Variants in FGGY observed in about 807,000 individuals in gnomAD.
FGGY encodes the protein FGGY carbohydrate kinase domain-containing protein.
FGGY carries 72 observed loss-of-function variants against 71.3 expected under a neutral mutation model. The ratio of observed to expected loss-of-function variants is 1.01; its 90% CI spans 0.84 to 1.23. The LOEUF (loss-of-function observed/expected upper bound fraction) is 1.23. Among genes scored for constraint, FGGY ranks in the 50% most tolerant of loss-of-function variants. FGGY has a pLI of 0.00. For missense variants in FGGY, 668 were observed against 682.3 expected, an observed-to-expected ratio of 0.98 and a Z score of 0.23; for synonymous variants, 251 against 250.3, an observed-to-expected ratio of 1.00 and a Z score of -0.02.
At chr1:59,532,877 A>G (rs574454805) in intron 7 of FGGY, among the ~76,000 whole-genome samples, 77 of 152,336 alleles carry the variant, frequency 5.1e-4, no homozygotes, top group African/African-American at 1.8e-3. Context: ...AAAAGAATCT[A>G]TAGATAAAAT....
intron 5 of FGGY, among the ~76,000 whole-genome samples, chr1:59,383,557 C>T (rs1464414136): frequency 1.3e-5 from 2 of 152,086 alleles, no homozygotes; most frequent in African/African-American, 4.8e-5. Context: ...CTTATACAGT[C>T]CTCCCTTTTG....
intron 14 of FGGY, among the ~76,000 whole-genome samples, chr1:59,729,465 A>G (rs1296813751): frequency 6.6e-6 from 1 of 152,122 alleles, no homozygotes; most frequent in East Asian, 1.9e-4. Flanking sequence ...GTATCTGGTA[A>G]TAGGAACTGA....
chr1:59,627,297 T>C (rs1176219292), intron 10 of FGGY, among the ~76,000 whole-genome samples: 1 of 151,696 alleles, frequency 6.6e-6, no homozygotes, highest in Non-Finnish European at 1.5e-5. Context: ...CTGTTTTTCA[T>C]AGGTGTATAT....
chr1:59,614,688 AG>A (rs1408623838), intron 9 of FGGY, among the ~76,000 whole-genome samples: 1 of 152,230 alleles, frequency 6.6e-6, no homozygotes, highest in Admixed American at 6.5e-5. Context: ...GTATTCAATT[AG>A]GAAAAGAGGA....
chr1:59,703,895 C>T lies in FGGY; in HGVS notation c.1512+29762C>T, dbSNP rs149709756. ...TTTAAGGAACTTCACATCCAATGTG[C>T]GCCCATTGGACCCTATGGTTTAAAT... On this transcript the variant is annotated intron_variant, in intron 14 of 15. Transcript: ENST00000303721. 2.8e-3 allele frequency among the ~76,000 whole-genome samples: 429 copies of T among 152,296 alleles called. 2 individuals are homozygous for T. The highest frequency in any genetic ancestry group is 9.9e-3 in the African/African-American group (410 of 41,560).
intron 5 of FGGY, among the ~76,000 whole-genome samples, chr1:59,396,033 A>G (rs1473984584): frequency 6.6e-6 from 1 of 152,206 alleles, no homozygotes; most frequent in Non-Finnish European, 1.5e-5. Context: ...CAGCATGAGC[A>G]GCGTCACTTG....
At chr1:59,495,964 G>A (rs115885940) in intron 6 of FGGY, among the ~76,000 whole-genome samples, 9,642 of 152,066 alleles carry the variant, frequency 0.063, 395 homozygotes, top group East Asian at 0.12. Flanking sequence ...TTGTCTATTC[G>A]GGCTCTTTTT....
chr1:59,686,121 A>T (rs969646724), intron 14 of FGGY, among the ~76,000 whole-genome samples: 1 of 152,196 alleles, frequency 6.6e-6, no homozygotes, highest in Non-Finnish European at 1.5e-5. Context: ...CGGGTCTAGG[A>T]TAGGCTGGGT....
intron 7 of FGGY, among the ~76,000 whole-genome samples, chr1:59,532,772 T>C (rs1343050117): frequency 6.6e-6 from 1 of 151,768 alleles, no homozygotes; most frequent in Non-Finnish European, 1.5e-5. Flanking sequence ...GCCTATCTAG[T>C]GCAACAAGTC....
chr1:59,742,663 C>A (rs2098161140), intron 14 of FGGY, among the ~76,000 whole-genome samples: 1 of 152,224 alleles, frequency 6.6e-6, no homozygotes, highest in Non-Finnish European at 1.5e-5. Flanking sequence ...CCATCTCCAC[C>A]TCTGCCTGAA....
At chr1:59,452,277 T>A (rs1019298725) in intron 5 of FGGY, among the ~76,000 whole-genome samples, 5 of 152,114 alleles carry the variant, frequency 3.3e-5, no homozygotes, top group South Asian at 4.1e-4. Flanking sequence ...GCAAAGACAG[T>A]TACTATGGTA....
intron 7 of FGGY, among the ~76,000 whole-genome samples, chr1:59,535,957 G>T (rs2095303488): frequency 6.7e-6 from 1 of 148,326 alleles, no homozygotes; most frequent in Non-Finnish European, 1.5e-5. Flanking sequence ...TCAAAAGCTA[G>T]CAGAAGGCAA....
chr1:59,602,288 T>C (rs868105707), intron 8 of FGGY, among the ~76,000 whole-genome samples: 49 of 152,202 alleles, frequency 3.2e-4, no homozygotes, highest in African/African-American at 1.2e-3. Flanking sequence ...GTGAAGTAAA[T>C]ATAATAATAG....
chr1:59,490,901 A>G (rs773324959), intron 6 of FGGY, among the ~76,000 whole-genome samples: 8 of 151,796 alleles, frequency 5.3e-5, no homozygotes, highest in East Asian at 3.9e-4. Context: ...TTTTCTGCCA[A>G]TACTGTGCTG....
chr1:59,607,376 G>A (rs1196890916), intron 8 of FGGY, among the ~76,000 whole-genome samples: 2 of 152,198 alleles, frequency 1.3e-5, no homozygotes, highest in Non-Finnish European at 2.9e-5. Context: ...CTGACCCAGT[G>A]TCACATCTGC....
In FGGY at chr1:59,321,766, G is replaced by C; in HGVS notation, c.201+16G>C. ...TGTCACAAAGGTATGGGCAAAACTG[G>C]TGTTCTCTCCTTGTTCATATTCCTA... On this transcript the variant is annotated intron_variant, in intron 2 of 15. Transcript: ENST00000303721. 1.9e-6 allele frequency: 3 copies of C among 1,603,602 alleles called. No individual in the cohort carries two copies. Among genetic ancestry groups the C allele is most frequent in the Middle Eastern group, 2.1e-4 (1 of 4,806 alleles).
intron 6 of FGGY, among the ~76,000 whole-genome samples, chr1:59,472,374 C>T (rs1359035321): frequency 2.0e-5 from 3 of 152,332 alleles, no homozygotes; most frequent in South Asian, 2.1e-4. Flanking sequence ...CCCCCTGTTC[C>T]GTGGGCTCCT....
At chr1:59,431,194 C>A (rs896485198) in intron 5 of FGGY, among the ~76,000 whole-genome samples, 1 of 152,134 alleles carries the variant, frequency 6.6e-6, no homozygotes, top group Non-Finnish European at 1.5e-5. Flanking sequence ...TCATACATCC[C>A]TAGTATTGTC....
chr1:59,401,795 G>T (rs1386751615), intron 5 of FGGY, among the ~76,000 whole-genome samples: 1 of 152,178 alleles, frequency 6.6e-6, no homozygotes, highest in Non-Finnish European at 1.5e-5. Context: ...ATGACTCAAT[G>T]TGAAAAGTCT....
Sources: gnomAD v4.1 joint callset for allele counts (sites outside exome capture counted in the v4.1 genomes callset) on GRCh38, gnomAD v4.1.1 for gene constraint, MANE v1.5 for transcripts, NCBI Gene and HGNC (gene_info 2026-07-23, HGNC 2026-07-21) for gene names.